The following SFMBT2 variants were observed in gnomAD, a reference collection of about 807,000 sequenced individuals.
SFMBT2 encodes the protein scm-like with four MBT domains protein 2.
In SFMBT2, 38 loss-of-function variants were observed where a neutral mutation model predicts 110.1. The ratio of observed to expected loss-of-function variants is 0.35; its 90% CI spans 0.27 to 0.45. The LOEUF (loss-of-function observed/expected upper bound fraction) is 0.45, where lower values mean the gene tolerates loss of function less well. Ranked by LOEUF, SFMBT2 falls within the 20% of genes least tolerant of loss-of-function variation. The pLI is 1.00. For synonymous variants in SFMBT2, 425 were observed against 425.4 expected (o/e 1.00, Z 0.01); for missense variants, 1,011 against 1,094.9 (o/e 0.92, Z 1.08).
At chr10:7,345,710 A>G (rs1041717508) in intron 4 of SFMBT2, among the ~76,000 whole-genome samples, 7 of 152,236 alleles carry the variant, frequency 4.6e-5, no homozygotes, top group Non-Finnish European at 1.0e-4. Flanking sequence ...ACTACAGAAG[A>G]GTTGGAGTAT....
In SFMBT2 at chr10:7,404,195, C is replaced by T. The variant is rs138623882; in HGVS notation, c.-52+6666G>A. On this transcript the variant is annotated intron_variant, in intron 1 of 20. Coordinates refer to ENST00000397167, the MANE Select transcript of SFMBT2 (RefSeq NM_001387889.1). ...AGATTAATTCACAATCCTTTCACTGCTAAATCTCTAGACCTACAATCCAAA... is the reference window on the plus strand; with the variant it reads ...AGATTAATTCACAATCCTTTCACTGTTAAATCTCTAGACCTACAATCCAAA... Among the ~76,000 whole-genome samples the T allele has an allele frequency of 6.0e-3, 919 of 152,322 alleles. 9 individuals carry two copies. Among genetic ancestry groups the T allele is most frequent in the African/African-American group, 0.021 (871 of 41,564 alleles).
At chr10:7,315,310 G>A (rs188228015) in intron 4 of SFMBT2, among the ~76,000 whole-genome samples, 6 of 152,326 alleles carry the variant, frequency 3.9e-5, no homozygotes, top group Admixed American at 2.0e-4. Context: ...GATGCTATGG[G>A]TGGGCCACAT....
intron 7 of SFMBT2, among the ~76,000 whole-genome samples, chr10:7,258,488 T>C (rs991263662): frequency 4.6e-5 from 7 of 152,250 alleles, no homozygotes; most frequent in African/African-American, 1.7e-4. Context: ...AACATGCCAG[T>C]TTTTTGGTCC....
At chr10:7,230,644 G>A (rs1383732198) in intron 9 of SFMBT2, among the ~76,000 whole-genome samples, 4 of 152,098 alleles carry the variant, frequency 2.6e-5, no homozygotes, top group Admixed American at 2.6e-4. Flanking sequence ...AAAATAAAAA[G>A]AAAAGCGTCT....
At chr10:7,271,655 T>A (rs1371765252) in intron 7 of SFMBT2, among the ~76,000 whole-genome samples, 1 of 152,166 alleles carries the variant, frequency 6.6e-6, no homozygotes, top group Admixed American at 6.5e-5. Context: ...AAAATAGGTA[T>A]GCATTAGTCC....
chr10:7,348,245 T>G, intron 4 of SFMBT2: 1 of 1,481,122 alleles, frequency 6.8e-7, no homozygotes, highest in African/African-American at 1.4e-5. Context: ...GGGAGTTGTT[T>G]CATTTCGTGA....
rs74446324 is a variant in SFMBT2 at position 7,348,962 on chromosome 10, A to T, written c.436+18687T>A. Among the ~76,000 whole-genome samples the T allele has an allele frequency of 2.6e-3, 393 of 152,282 alleles. 14 individuals are homozygous for T. In the East Asian group the frequency reaches 0.057, roughly 22 times the overall value. The stretch of plus-strand genomic sequence containing the variant: ...CATGACAAGGATGAGACCTCCAAAA[A>T]GGACATTTGGATGAGAAATGGAGAG... On this transcript the variant is annotated intron_variant, in intron 4 of 20. Coordinates refer to ENST00000397167, the MANE Select transcript of SFMBT2 (RefSeq NM_001387889.1).
intron 4 of SFMBT2, chr10:7,320,687 A>G (rs1244817358): frequency 1.2e-6 from 1 of 867,314 alleles, no homozygotes; most frequent in African/African-American, 1.8e-5. Context: ...TGAAGAAAGT[A>G]AAGTTTAAAG....
At chr10:7,173,400 T>G (rs894685295) in intron 17 of SFMBT2, among the ~76,000 whole-genome samples, 1 of 152,076 alleles carries the variant, frequency 6.6e-6, no homozygotes, top group African/African-American at 2.4e-5. Flanking sequence ...CATGAGGGAC[T>G]CCCCCAGCTC....
chr10:7,305,206 C>T (rs965351957), intron 4 of SFMBT2, among the ~76,000 whole-genome samples: 7 of 152,194 alleles, frequency 4.6e-5, no homozygotes, highest in African/African-American at 1.7e-4. Flanking sequence ...ATTAGGGAGG[C>T]GACATCACCT....
Position 7,159,989 on chromosome 10 carries a change from G to A in SFMBT2, c.*3781C>T, listed in dbSNP as rs1005563125. The A allele has an allele frequency of 6.6e-6, 1 of 152,188 alleles. No individual in the cohort carries two copies. The highest frequency in any genetic ancestry group is 2.4e-5 in the African/African-American group (1 of 41,444). The allele number at this position is 152,188 out of a possible 1,614,324, so 9.4% of individuals were successfully genotyped here. A position where few individuals can be genotyped will look rare whatever the true frequency, so the allele number is the denominator to read the frequency against. ...AAGGCTGATCAAAATCAACCTTCTA[G>A]AGAGGGCAGTGTTCAAGGTGTGGAT... On this transcript the variant is annotated 3_prime_UTR_variant, in exon 21 of 21. Coordinates refer to ENST00000397167, the MANE Select transcript of SFMBT2 (RefSeq NM_001387889.1).
intron 4 of SFMBT2, among the ~76,000 whole-genome samples, chr10:7,341,862 T>C (rs898389264): frequency 1.3e-5 from 2 of 152,180 alleles, no homozygotes; most frequent in African/African-American, 2.4e-5. Context: ...TTCTGTCTAC[T>C]ATTGGTTATG....
chr10:7,322,941 G>A (rs1843242390), intron 4 of SFMBT2, among the ~76,000 whole-genome samples: 1 of 152,118 alleles, frequency 6.6e-6, no homozygotes, highest in South Asian at 2.1e-4. Context: ...TTGTAAACCA[G>A]AACATTCACC....
chr10:7,174,062 C>T (rs550518390), intron 17 of SFMBT2, among the ~76,000 whole-genome samples: 10 of 152,280 alleles, frequency 6.6e-5, no homozygotes, highest in East Asian at 3.9e-4. Flanking sequence ...GAAAAACTGT[C>T]GGGAAGCCGC....
intron 7 of SFMBT2, among the ~76,000 whole-genome samples, chr10:7,253,910 G>T (rs1840904717): frequency 6.7e-6 from 1 of 149,840 alleles, no homozygotes; most frequent in South Asian, 2.1e-4. Context: ...AAATTGAGAA[G>T]ACTCAAGAAT....
At chr10:7,227,217 G>T (rs1383970475) in intron 10 of SFMBT2, among the ~76,000 whole-genome samples, 1 of 152,184 alleles carries the variant, frequency 6.6e-6, no homozygotes, top group Non-Finnish European at 1.5e-5. Context: ...AGGTAAGACA[G>T]CATTTTAAGA....
intron 4 of SFMBT2, among the ~76,000 whole-genome samples, chr10:7,308,608 C>T (rs907885056): frequency 1.3e-5 from 2 of 152,158 alleles, no homozygotes; most frequent in African/African-American, 4.8e-5. Flanking sequence ...AGGTCACCAA[C>T]AGAAAGAATG....
intron 4 of SFMBT2, among the ~76,000 whole-genome samples, chr10:7,291,487 T>C (rs1945475567): frequency 6.6e-6 from 1 of 152,180 alleles, no homozygotes. Flanking sequence ...AAACCTCTCA[T>C]TACGGAATAG....
chr10:7,246,559 A>C (rs1840618745), intron 8 of SFMBT2, among the ~76,000 whole-genome samples: 1 of 151,930 alleles, frequency 6.6e-6, no homozygotes, highest in Admixed American at 6.6e-5. Flanking sequence ...TCTCCACTAA[A>C]AACACAAAAT....
Sources: gnomAD v4.1 joint callset for allele counts (sites outside exome capture counted in the v4.1 genomes callset) on GRCh38, gnomAD v4.1.1 for gene constraint, MANE v1.5 for transcripts, NCBI Gene and HGNC (gene_info 2026-07-23, HGNC 2026-07-21) for gene names.